The following KCNAB2 variants were observed in gnomAD, a reference collection of about 807,000 sequenced individuals.
KCNAB2 encodes the protein potassium voltage-gated channel subfamily A regulatory beta subunit 2.
A neutral mutation model predicts 63.6 loss-of-function variants in KCNAB2; 29 were observed. That is an observed-to-expected ratio of 0.46 (90% CI 0.34 to 0.62). KCNAB2 has a LOEUF of 0.62. Among genes scored for constraint, KCNAB2 ranks in the 20% least tolerant of loss-of-function variants. The pLI is 0.01. For synonymous variants in KCNAB2, 222 were observed against 224.2 expected, an observed-to-expected ratio of 0.99 and a Z score of 0.09; for missense variants, 359 against 563.9, an observed-to-expected ratio of 0.64 and a Z score of 3.68.
intron 2 of KCNAB2, among the ~76,000 whole-genome samples, chr1:6,052,314 A>G (rs956178914): frequency 2.0e-5 from 3 of 151,964 alleles, no homozygotes; most frequent in Non-Finnish European, 4.4e-5. Context: ...AGTCCCAGCT[A>G]CTTGGGAGGC....
Position 6,091,145 on chromosome 1 carries a change from AC to A in KCNAB2, c.602-117del, listed in dbSNP as rs1377641582. On this transcript the variant is annotated intron_variant, in intron 9 of 15. Coordinates refer to ENST00000378083, the MANE Select transcript of KCNAB2 (RefSeq NM_001199862.2). Reference sequence around the variant, plus strand: ...TGTTGATATATTTTTTTCCTTTTTAACTAAACGCGTGTTCTGCACGGTGATT... The same window carrying A: ...TGTTGATATATTTTTTTCCTTTTTAATAAACGCGTGTTCTGCACGGTGATT... The A allele has an allele frequency of 2.4e-5, 18 of 743,052 alleles. No homozygotes were observed. The East Asian group carries it at 3.8e-4, about 16-fold the overall frequency. 46.0% of individuals were successfully genotyped at this position (743,052 alleles called of 1,614,324 possible). A position where few individuals can be genotyped will look rare whatever the true frequency, so the allele number is the denominator to read the frequency against.
At chr1:6,091,186 GT>G in intron 9 of KCNAB2, 76 bp from the exon 10 acceptor site, 1 of 1,067,400 alleles carries the variant, frequency 9.4e-7, no homozygotes, top group Non-Finnish European at 1.4e-6. Context: ...CCTCCCCGCT[GT>G]GCCTTCGTCG....
At chr1:6,037,229 A>G (rs1660111803) in intron 1 of KCNAB2, among the ~76,000 whole-genome samples, 1 of 152,140 alleles carries the variant, frequency 6.6e-6, no homozygotes, top group African/African-American at 2.4e-5. Context: ...TTCCAACCCA[A>G]GTTGAGTTTG....
chr1:6,029,213 G>A (rs770023520), intron 1 of KCNAB2, among the ~76,000 whole-genome samples: 3 of 151,004 alleles, frequency 2.0e-5, no homozygotes, highest in Non-Finnish European at 4.4e-5. Context: ...AACCCAGGAG[G>A]CAGAGGCTGC....
At chr1:6,021,089 C>T (rs550941270) in intron 1 of KCNAB2, among the ~76,000 whole-genome samples, 4 of 152,316 alleles carry the variant, frequency 2.6e-5, no homozygotes, top group Non-Finnish European at 5.9e-5. Flanking sequence ...ACCTTCCAGG[C>T]TCAAGCCATC....
At chr1:6,015,862 G>A (rs1295110) in intron 1 of KCNAB2, among the ~76,000 whole-genome samples, 141,819 of 152,116 alleles carry the variant, frequency 0.93, 66,299 homozygotes, top group East Asian at 1. Context: ...GCGCCACCAC[G>A]CCTGGCTAAT....
intron 2 of KCNAB2, among the ~76,000 whole-genome samples, chr1:6,067,909 T>C (rs1662887496): frequency 6.6e-6 from 1 of 152,118 alleles, no homozygotes; most frequent in Admixed American, 6.6e-5. Flanking sequence ...TGTGCACCTG[T>C]AGTCCCAACT....
chr1:6,096,882 A>T lies in KCNAB2; in HGVS notation c.1069+126A>T. The T allele has an allele frequency of 8.0e-7, 1 of 1,249,174 alleles. No homozygotes were observed. Among genetic ancestry groups the T allele is most frequent in the South Asian group, 1.6e-5 (1 of 63,090 alleles). The allele number at this position is 1,249,174 out of a possible 1,614,324, so 77.4% of individuals were successfully genotyped here. A position where few individuals can be genotyped will look rare whatever the true frequency, so the allele number is the denominator to read the frequency against. ...GGAGAGAGGGAAGGGATCCCTGGAC[A>T]TCATCCCCCAGCCAGCCTCGGGTAA... On this transcript the variant is annotated intron_variant, in intron 14 of 15. Transcript: ENST00000378083. This position sits in a 1 kb window ranked among gnomAD's most constrained non-coding sequence, Gnocchi z 5.9.
At chr1:6,063,269 T>C (rs2100602878) in intron 2 of KCNAB2, among the ~76,000 whole-genome samples, 1 of 152,024 alleles carries the variant, frequency 6.6e-6, no homozygotes, top group East Asian at 1.9e-4. Flanking sequence ...ACGATCCACC[T>C]GCCTCAGCCT....
At chr1:6,083,561 C>T (rs1169346657) in intron 5 of KCNAB2, among the ~76,000 whole-genome samples, 1 of 152,206 alleles carries the variant, frequency 6.6e-6, no homozygotes, top group Non-Finnish European at 1.5e-5. Flanking sequence ...GCAGCTTCCC[C>T]TCAGGTCGCC....
At position 6,098,686 on chromosome 1, in the gene KCNAB2, A is replaced by T; in HGVS notation, c.*112A>T. ...GTGTGGTTTGCATCCAAGAGAAAAC[A>T]CCACACTGTGATGTCATCGGGAAAT... On this transcript the variant is annotated 3_prime_UTR_variant, in exon 16 of 16. Transcript: ENST00000378083. The T allele has an allele frequency of 1.5e-6, 2 of 1,317,210 alleles. No individual in the cohort carries two copies. Among genetic ancestry groups the T allele is most frequent in the Non-Finnish European group, 2.1e-6 (2 of 954,578 alleles). The allele number at this position is 1,317,210 out of a possible 1,614,324, so 81.6% of individuals were successfully genotyped here.
At chr1:6,059,855 C>T (rs183948161) in intron 2 of KCNAB2, among the ~76,000 whole-genome samples, 1 of 152,062 alleles carries the variant, frequency 6.6e-6, no homozygotes, top group Admixed American at 6.5e-5. Context: ...CGTGCAAAGC[C>T]GGTTCCCGGG....
chr1:6,081,581 G>C (rs1289681684), intron 4 of KCNAB2, among the ~76,000 whole-genome samples: 1 of 151,930 alleles, frequency 6.6e-6, no homozygotes, highest in East Asian at 1.9e-4. Flanking sequence ...CCAAGGTGTT[G>C]GCAGGGCAAG....
intron 4 of KCNAB2, among the ~76,000 whole-genome samples, chr1:6,080,069 T>G (rs1664063309): frequency 2.0e-5 from 3 of 152,204 alleles, no homozygotes; most frequent in African/African-American, 7.2e-5. Context: ...AAAATACATG[T>G]GTCTGAAATA....
intron 9 of KCNAB2, 39 bp downstream of exon 9, chr1:6,090,514 C>A: frequency 4.6e-6 from 7 of 1,538,122 alleles, no homozygotes; most frequent in Non-Finnish European, 6.3e-6. Flanking sequence ...TAGGCCTGGG[C>A]GGGGTCTGAA....
Position 6,024,838 on chromosome 1 carries a change from G to A in KCNAB2, c.-52-15679G>A, listed in dbSNP as rs1022684134. On this transcript the variant is annotated intron_variant, in intron 1 of 16. Transcript: ENST00000341524. The surrounding 1 kb of genome is among the most constrained non-coding windows in gnomAD (Gnocchi z 5.4). Reference sequence around the variant, plus strand: ...TGTGTGAGGAAAGAACCCCAATTTCGAGCTGGACACACCTAGGCTCTGGTT... The same window carrying A: ...TGTGTGAGGAAAGAACCCCAATTTCAAGCTGGACACACCTAGGCTCTGGTT... Among the ~76,000 whole-genome samples the A allele has an allele frequency of 6.6e-6, 1 of 152,168 alleles. No individual in the cohort carries two copies. Among genetic ancestry groups the A allele is most frequent in the Non-Finnish European group, 1.5e-5 (1 of 68,032 alleles).
chr1:6,074,482 G>A lies in KCNAB2; in HGVS notation c.300+712G>A, dbSNP rs983437863. On this transcript the variant is annotated intron_variant, in intron 4 of 15. Transcript: ENST00000378083. This position sits in a 1 kb window ranked among gnomAD's most constrained non-coding sequence, Gnocchi z 4.9. The stretch of plus-strand genomic sequence containing the variant: ...GTGGCATTTGCTCAGACAGCTCTGG[G>A]CATCTGCACAAGAAGCAGTTTTCAC... 6.6e-6 allele frequency among the ~76,000 whole-genome samples: 1 copy of A among 152,210 alleles called. No homozygotes were observed. The highest frequency in any genetic ancestry group is 2.1e-4 in the South Asian group (1 of 4,834).
At chr1:6,072,908 TCC>T in intron 3 of KCNAB2, 110 bp downstream of exon 3, 2 of 980,846 alleles carry the variant, frequency 2.0e-6, no homozygotes, top group Non-Finnish European at 3.1e-6. Context: ...ACCTTGGCAC[TCC>T]CCAGGGAGTA....
At chr1:6,085,537 A>T (rs1442651100) in intron 6 of KCNAB2, among the ~76,000 whole-genome samples, 3 of 152,136 alleles carry the variant, frequency 2.0e-5, no homozygotes, top group Non-Finnish European at 4.4e-5. Flanking sequence ...CCCTGCTTGC[A>T]AAGTGTCAGG....
Sources: gnomAD v4.1 joint callset for allele counts (sites outside exome capture counted in the v4.1 genomes callset) on GRCh38, gnomAD v4.1.1 for gene constraint, Gnocchi (gnomAD v3.1) non-coding constraint, MANE v1.5 for transcripts, NCBI Gene and HGNC (gene_info 2026-07-23, HGNC 2026-07-21) for gene names.